TOX2: variants seen among roughly 807,000 people sequenced by gnomAD.
TOX2 encodes granulosa cell HMG box 1.
A neutral mutation model predicts 47.4 loss-of-function variants in TOX2; 15 were observed. The observed-to-expected ratio is 0.32, with a 90% confidence interval of 0.21 to 0.49. The LOEUF is 0.49. TOX2 is among the 20% of genes least tolerant of loss of function. TOX2 has a pLI of 0.99. For synonymous variants in TOX2, 290 were observed against 296.6 expected (o/e 0.98, Z 0.23); for missense variants, 622 against 673.1 (o/e 0.92, Z 0.84).
chr20:44,000,269 G>A (rs1184010045), intron 2 of TOX2, among the ~76,000 whole-genome samples: 2 of 152,206 alleles, frequency 1.3e-5, no homozygotes, highest in Non-Finnish European at 2.9e-5. Context: ...AAAGGTGGAG[G>A]CAGGGAGGCC....
intron 3 of TOX2, among the ~76,000 whole-genome samples, chr20:44,023,895 T>G (rs1166388773): frequency 6.6e-6 from 1 of 152,240 alleles, no homozygotes; most frequent in Non-Finnish European, 1.5e-5. Flanking sequence ...CATTGCTGCC[T>G]CTGGTCTTGG....
intron 4 of TOX2, among the ~76,000 whole-genome samples, chr20:44,053,609 C>T (rs202110215): frequency 0.031 from 4,544 of 147,936 alleles, 98 homozygotes; most frequent in Non-Finnish European, 0.046. Flanking sequence ...CATATATATA[C>T]ATATACACAC....
chr20:44,044,248 A>AG (rs1324412999), intron 3 of TOX2, among the ~76,000 whole-genome samples: 1 of 152,050 alleles, frequency 6.6e-6, no homozygotes, highest in Non-Finnish European at 1.5e-5. Flanking sequence ...GGACAAAGGA[A>AG]GGGGAACATC....
chr20:44,060,527 A>T (rs1444612160), intron 5 of TOX2, among the ~76,000 whole-genome samples: 1 of 152,204 alleles, frequency 6.6e-6, no homozygotes, highest in African/African-American at 2.4e-5. Context: ...CAACAAATTT[A>T]AGAAAATAAT....
intron 3 of TOX2, among the ~76,000 whole-genome samples, chr20:44,010,498 T>C (rs114617116): frequency 2.6e-5 from 4 of 152,290 alleles, no homozygotes; most frequent in African/African-American, 9.6e-5. Flanking sequence ...CCGGACCAAC[T>C]GGGAAAACCA....
At chr20:44,061,229 TAATTAA>T (rs2071713142) in intron 5 of TOX2, among the ~76,000 whole-genome samples, 2 of 152,002 alleles carry the variant, frequency 1.3e-5, no homozygotes, top group South Asian at 4.2e-4. Context: ...ATTGAAATGG[TAATTAA>T]AAAGTTACCA....
intron 1 of TOX2, among the ~76,000 whole-genome samples, chr20:43,938,466 A>G (rs950615137): frequency 2.0e-5 from 3 of 152,178 alleles, no homozygotes; most frequent in African/African-American, 7.2e-5. Context: ...AGTTGAAGCA[A>G]TCCTGGCTCC....
At chr20:44,021,900 T>C (rs2070981769) in intron 3 of TOX2, among the ~76,000 whole-genome samples, 1 of 152,058 alleles carries the variant, frequency 6.6e-6, no homozygotes, top group African/African-American at 2.4e-5. Flanking sequence ...CCTCCCAAAG[T>C]GTTGGGATTA....
chr20:44,035,814 G>A (rs938889730), intron 3 of TOX2, among the ~76,000 whole-genome samples: 1 of 152,254 alleles, frequency 6.6e-6, no homozygotes, highest in African/African-American at 2.4e-5. Flanking sequence ...GATGGAGATT[G>A]TGCACAGCAA....
At chr20:44,059,331 T>C (rs1256918699) in intron 5 of TOX2, among the ~76,000 whole-genome samples, 1 of 152,112 alleles carries the variant, frequency 6.6e-6, no homozygotes, top group East Asian at 1.9e-4. Context: ...CAAAAAATTT[T>C]AACAAATGAA....
intron 3 of TOX2, among the ~76,000 whole-genome samples, chr20:44,007,826 A>C (rs908066057): frequency 1.3e-5 from 2 of 152,062 alleles, no homozygotes; most frequent in African/African-American, 4.8e-5. Context: ...AGGAAGAAAC[A>C]TCATATTTTT....
intron 5 of TOX2, among the ~76,000 whole-genome samples, chr20:44,058,399 C>T (rs8125448): frequency 5.1e-4 from 78 of 152,306 alleles, no homozygotes; most frequent in African/African-American, 1.7e-3. Flanking sequence ...CTGCAGCAAG[C>T]CCCACCTAAC....
At chr20:43,934,231 C>T (rs1211543751) in intron 1 of TOX2, among the ~76,000 whole-genome samples, 3 of 151,116 alleles carry the variant, frequency 2.0e-5, no homozygotes, top group Non-Finnish European at 2.9e-5. Context: ...GGGAGGACTT[C>T]CTGGCAGAGG....
At chr20:43,959,066 C>T (rs2069715172) in intron 1 of TOX2, among the ~76,000 whole-genome samples, 1 of 152,192 alleles carries the variant, frequency 6.6e-6, no homozygotes, top group Non-Finnish European at 1.5e-5. Flanking sequence ...CAGAAGGGTT[C>T]AATAGTCAAG....
chr20:44,044,649 C>G (rs746412847), intron 3 of TOX2, among the ~76,000 whole-genome samples: 1 of 152,080 alleles, frequency 6.6e-6, no homozygotes, highest in Admixed American at 6.6e-5. Context: ...GTGTAGAAAC[C>G]GCAACCGGAA....
intron 3 of TOX2, among the ~76,000 whole-genome samples, chr20:44,020,213 G>T (rs1362343272): frequency 6.6e-6 from 1 of 152,228 alleles, no homozygotes; most frequent in African/African-American, 2.4e-5. Context: ...CCACGGAGTT[G>T]CTGGCATTTG....
intron 7 of TOX2, among the ~76,000 whole-genome samples, chr20:44,066,433 C>T (rs372768628): frequency 2.0e-5 from 3 of 152,290 alleles, no homozygotes; most frequent in Admixed American, 1.3e-4. Context: ...GAGATTGCTA[C>T]GAGGTTCACA....
At chr20:43,987,912 C>CTTTTTTT (rs762084312) in intron 2 of TOX2, among the ~76,000 whole-genome samples, 5 of 70,022 alleles carry the variant, frequency 7.1e-5, no homozygotes, top group African/African-American at 1.2e-4. Context: ...ATATCAACAT[C>CTTTTTTT]TTTTTTTTTT....
At chr20:43,975,256 G>A (rs920002200) in intron 2 of TOX2, among the ~76,000 whole-genome samples, 5 of 151,758 alleles carry the variant, frequency 3.3e-5, no homozygotes, top group Admixed American at 1.3e-4. Flanking sequence ...TCTAGGCCTC[G>A]GCAGAGGAGA....
Sources: gnomAD v4.1 joint callset for allele counts (sites outside exome capture counted in the v4.1 genomes callset) on GRCh38, gnomAD v4.1.1 for gene constraint, MANE v1.5 for transcripts, NCBI Gene and HGNC (gene_info 2026-07-23, HGNC 2026-07-21) for gene names.